Variants in OCA2 observed in about 807,000 individuals in gnomAD.
OCA2 encodes OCA2 melanosomal transmembrane protein, also known as P protein.
In OCA2, 77 loss-of-function variants were observed where a neutral mutation model predicts 100.2. That is an observed-to-expected ratio of 0.77 (90% confidence interval 0.64 to 0.93). OCA2 has a LOEUF of 0.93. Ranked by LOEUF, OCA2 falls within the 40% of genes least tolerant of loss-of-function variation. The probability of loss-of-function intolerance (pLI) is 0.00; values close to 1 mark genes in which losing one functional copy is unlikely to be tolerated. For missense variants in OCA2, 1,062 were observed against 1,089.1 expected (o/e 0.98, Z 0.35); for synonymous variants, 432 against 439.2 (o/e 0.98, Z 0.21).
At chr15:28,008,951 C>T (rs2042161093) in intron 9 of OCA2, among the ~76,000 whole-genome samples, 1 of 152,232 alleles carries the variant, frequency 6.6e-6, no homozygotes, top group African/African-American at 2.4e-5. Context: ...ATCTAGAGAC[C>T]TCCAGTTCTG....
At chr15:27,898,472 T>A (rs2037799103) in intron 19 of OCA2, among the ~76,000 whole-genome samples, 2 of 152,210 alleles carry the variant, frequency 1.3e-5, no homozygotes, top group African/African-American at 4.8e-5. Flanking sequence ...TGCCTGCTGC[T>A]ATCCATGTAA....
chr15:27,979,744 G>C (rs976239200), intron 14 of OCA2, among the ~76,000 whole-genome samples: 2 of 150,090 alleles, frequency 1.3e-5, no homozygotes, highest in African/African-American at 4.9e-5. Context: ...CTTTCACCCA[G>C]GCTGGAGTGC....
rs547603932 is a variant in OCA2 at position 28,014,991 on chromosome 15, T to C, written c.891-62A>G. ...TCAACAGTTAGGGGACCTCCCTCTGTATCAGCCATGGCATTAACCAGAGTG... is the reference window on the plus strand; with the variant it reads ...TCAACAGTTAGGGGACCTCCCTCTGCATCAGCCATGGCATTAACCAGAGTG... On this transcript the variant is annotated intron_variant, in intron 8 of 23. Coordinates refer to ENST00000354638, the MANE Select transcript of OCA2 (RefSeq NM_000275.3). 6.5e-6 allele frequency: 10 copies of C among 1,548,512 alleles called. No individual in the cohort carries two copies. The East Asian group carries it at 2.0e-4, about 31-fold the overall frequency.
intron 23 of OCA2, among the ~76,000 whole-genome samples, chr15:27,812,699 A>C (rs113537950): frequency 2.2e-4 from 33 of 152,304 alleles, no homozygotes; most frequent in African/African-American, 7.9e-4. Flanking sequence ...CAATTGCAAA[A>C]GGAAACAAAA....
intron 23 of OCA2, among the ~76,000 whole-genome samples, chr15:27,760,188 A>G (rs1172665524): frequency 6.6e-6 from 1 of 152,026 alleles, no homozygotes; most frequent in South Asian, 2.1e-4. Flanking sequence ...AAGTAAAAAA[A>G]CCACATGGAA....
intron 23 of OCA2, among the ~76,000 whole-genome samples, chr15:27,787,855 T>C (rs1566963396): frequency 6.6e-6 from 1 of 152,000 alleles, no homozygotes; most frequent in Non-Finnish European, 1.5e-5. Context: ...TTTTCCGTCA[T>C]AGTCCTTCAA....
the OCA2 span, among the ~76,000 whole-genome samples, chr15:27,735,745 CA>C: frequency 9.3e-5 from 14 of 151,222 alleles, no homozygotes; most frequent in Admixed American, 9.2e-4. Flanking sequence ...AACAAAAAAA[CA>C]AAAAAACAAA....
chr15:27,752,260 G>A (rs1423504685), downstream of OCA2, among the ~76,000 whole-genome samples: 1 of 152,198 alleles, frequency 6.6e-6, no homozygotes, highest in Non-Finnish European at 1.5e-5. Context: ...TGCACGTGAT[G>A]TCGGGCAAAC....
At chr15:27,882,999 A>T (rs1310414922) in intron 19 of OCA2, among the ~76,000 whole-genome samples, 1 of 152,094 alleles carries the variant, frequency 6.6e-6, no homozygotes, top group Non-Finnish European at 1.5e-5. Flanking sequence ...GGCTGGTTTG[A>T]GTCTGTCCCC....
intron 17 of OCA2, among the ~76,000 whole-genome samples, chr15:27,954,116 T>TACACACACACACACACACAC (rs200633980): frequency 8.6e-5 from 4 of 46,500 alleles, no homozygotes; most frequent in African/African-American, 1.5e-4. Context: ...TTCCATGGCA[T>TACACACACACACACACACAC]ACACACACAC....
At chr15:27,976,501 T>C (rs2040970471) in intron 14 of OCA2, among the ~76,000 whole-genome samples, 1 of 152,208 alleles carries the variant, frequency 6.6e-6, no homozygotes, top group African/African-American at 2.4e-5. Context: ...TTTCTGCATC[T>C]ATTGAGATGA....
chr15:28,054,309 T>C (rs2043618672), intron 2 of OCA2, among the ~76,000 whole-genome samples: 1 of 152,218 alleles, frequency 6.6e-6, no homozygotes, highest in Non-Finnish European at 1.5e-5. Flanking sequence ...ACTGTGTGGG[T>C]ATGTATGCAT....
chr15:27,770,277 G>A (rs985118643), intron 23 of OCA2, among the ~76,000 whole-genome samples: 2 of 152,204 alleles, frequency 1.3e-5, no homozygotes, highest in East Asian at 1.9e-4. Flanking sequence ...GGTCGCGCGC[G>A]GGGCCACGGA....
chr15:27,924,978 A>C (rs1348161969), intron 19 of OCA2, among the ~76,000 whole-genome samples: 4 of 152,202 alleles, frequency 2.6e-5, no homozygotes, highest in African/African-American at 9.6e-5. Context: ...CTAAGACAAA[A>C]ACATTACCAG....
intron 23 of OCA2, among the ~76,000 whole-genome samples, chr15:27,787,174 G>A (rs2032854734): frequency 6.6e-6 from 1 of 151,980 alleles, no homozygotes; most frequent in Non-Finnish European, 1.5e-5. Context: ...ATATATTGCT[G>A]GACTTGACTT....
intron 16 of OCA2, among the ~76,000 whole-genome samples, chr15:27,956,076 G>A (rs1033335325): frequency 6.6e-6 from 1 of 152,158 alleles, no homozygotes; most frequent in Non-Finnish European, 1.5e-5. Context: ...CAGGACGGGC[G>A]TGGTGACTCA....
At position 27,975,916 on chromosome 15, in the gene OCA2, A is replaced by C. The variant is rs2040949863; in HGVS notation, c.1503+7429T>G. Among the ~76,000 whole-genome samples, 2 of 152,200 alleles carry C rather than the reference A, an allele frequency of 1.3e-5. 1 individual carries two copies. The highest frequency in any genetic ancestry group is 4.1e-4 in the South Asian group (2 of 4,832). ...ATATTGAGTTTTCCAGCCCATAAAC[A>C]AGGTGTACCTCTTAATTTATTTAGA... On this transcript the variant is annotated intron_variant, in intron 14 of 23. Coordinates refer to ENST00000354638, the MANE Select transcript of OCA2 (RefSeq NM_000275.3).
chr15:28,044,404 ATCCAGGATGCTTG>A (rs923097033), intron 2 of OCA2, among the ~76,000 whole-genome samples: 5 of 152,122 alleles, frequency 3.3e-5, no homozygotes, highest in African/African-American at 1.2e-4. Flanking sequence ...CTGGATACTT[ATCCAGGATGCTTG>A]TCCAGGATGC....
At chr15:27,747,822 A>G in the OCA2 span, among the ~76,000 whole-genome samples, 2 of 152,160 alleles carry the variant, frequency 1.3e-5, no homozygotes, top group Non-Finnish European at 2.9e-5. Context: ...GATCTGGAAA[A>G]GATGACATTT....
Sources: gnomAD v4.1 joint callset for allele counts (sites outside exome capture counted in the v4.1 genomes callset) on GRCh38, gnomAD v4.1.1 for gene constraint, MANE v1.5 for transcripts, NCBI Gene and HGNC (gene_info 2026-07-23, HGNC 2026-07-21) for gene names.